Variants in CFAP299 observed in about 807,000 individuals in gnomAD.
CFAP299 encodes cilia- and flagella-associated protein 299.
In CFAP299, 21 loss-of-function variants were observed where a neutral mutation model predicts 27.0. The ratio of observed to expected loss-of-function variants is 0.78; its 90% CI spans 0.55 to 1.12. The LOEUF (loss-of-function observed/expected upper bound fraction) is 1.12. Among genes scored for constraint, CFAP299 ranks in the 50% most tolerant of loss-of-function variants. CFAP299 has a pLI of 0.00. For missense variants in CFAP299, 310 were observed against 276.6 expected, an observed-to-expected ratio of 1.12 and a Z score of -0.86; for synonymous variants, 104 against 98.1, an observed-to-expected ratio of 1.06 and a Z score of -0.36.
intron 3 of CFAP299, among the ~76,000 whole-genome samples, chr4:80,795,702 C>T (rs1727815791): frequency 6.6e-6 from 1 of 152,144 alleles, no homozygotes; most frequent in Admixed American, 6.6e-5. Flanking sequence ...TACTGCTGTG[C>T]ATGACCCACT....
At chr4:80,666,826 G>A (rs1741164162) in intron 3 of CFAP299, among the ~76,000 whole-genome samples, 2 of 152,154 alleles carry the variant, frequency 1.3e-5, no homozygotes, top group South Asian at 4.1e-4. Flanking sequence ...AAACTTAATG[G>A]TGGAGCTGTA....
intron 3 of CFAP299, among the ~76,000 whole-genome samples, chr4:80,775,705 A>G (rs1304437373): frequency 6.6e-6 from 1 of 152,144 alleles, no homozygotes; most frequent in Non-Finnish European, 1.5e-5. Flanking sequence ...AAAATCTTGG[A>G]CTTCTGAGAA....
At chr4:80,494,381 A>G (rs1004071871) in intron 2 of CFAP299, among the ~76,000 whole-genome samples, 5 of 152,340 alleles carry the variant, frequency 3.3e-5, no homozygotes, top group Non-Finnish European at 7.3e-5. Context: ...TATTTCACAT[A>G]ATAGGCAGTA....
intron 4 of CFAP299, among the ~76,000 whole-genome samples, chr4:80,876,409 G>A (rs1448745545): frequency 6.6e-6 from 1 of 152,048 alleles, no homozygotes; most frequent in Non-Finnish European, 1.5e-5. Context: ...CATTTCCCCT[G>A]CTGGCACTCA....
At chr4:80,799,854 TAAA>T (rs1728263707) in intron 3 of CFAP299, among the ~76,000 whole-genome samples, 1 of 35,038 alleles carries the variant, frequency 2.9e-5, no homozygotes, top group African/African-American at 1.4e-4. Flanking sequence ...ATATAATATA[TAAA>T]TATATATTAT....
intron 3 of CFAP299, among the ~76,000 whole-genome samples, chr4:80,722,140 A>C (rs1314278136): frequency 6.6e-6 from 1 of 152,226 alleles, no homozygotes; most frequent in Non-Finnish European, 1.5e-5. Context: ...TAATCGAGCC[A>C]GGCTCAGTGG....
intron 4 of CFAP299, among the ~76,000 whole-genome samples, chr4:80,896,117 A>G (rs950636520): frequency 1.1e-4 from 17 of 152,222 alleles, no homozygotes; most frequent in African/African-American, 4.1e-4. Flanking sequence ...TTCAGAATAC[A>G]AAATAGTACA....
chr4:80,815,078 A>C (rs1347289238), intron 3 of CFAP299, among the ~76,000 whole-genome samples: 1 of 152,032 alleles, frequency 6.6e-6, no homozygotes, highest in African/African-American at 2.4e-5. Context: ...GAAAAGTCCC[A>C]AACTCAACAA....
intron 2 of CFAP299, among the ~76,000 whole-genome samples, chr4:80,380,120 C>T (rs1578375214): frequency 6.6e-6 from 1 of 151,834 alleles, no homozygotes. Flanking sequence ...TTTATTTCTT[C>T]TTGAAATAAA....
At chr4:80,669,814 G>C (rs1276129030) in intron 3 of CFAP299, among the ~76,000 whole-genome samples, 1 of 151,780 alleles carries the variant, frequency 6.6e-6, no homozygotes, top group African/African-American at 2.4e-5. Context: ...TCAGTACAAT[G>C]ATAGCTGTGG....
intron 2 of CFAP299, chr4:80,388,090 C>T (rs1725117219): frequency 2.9e-6 from 2 of 692,892 alleles, no homozygotes; most frequent in South Asian, 1.6e-5. Context: ...CAGCACTGTA[C>T]ACCTTCACCA....
At chr4:80,704,893 A>C (rs1202843762) in intron 3 of CFAP299, among the ~76,000 whole-genome samples, 2 of 151,836 alleles carry the variant, frequency 1.3e-5, no homozygotes, top group African/African-American at 4.8e-5. Context: ...CTCCAGTGTT[A>C]AATGGTAATT....
intron 4 of CFAP299, among the ~76,000 whole-genome samples, chr4:80,900,910 G>T (rs1282173084): frequency 6.6e-6 from 1 of 151,762 alleles, no homozygotes; most frequent in Non-Finnish European, 1.5e-5. Context: ...GGATCAATAT[G>T]GTATTGCATA....
At chr4:80,336,994 G>A in intron 1 of CFAP299, among the ~76,000 whole-genome samples, 1 of 152,158 alleles carries the variant, frequency 6.6e-6, no homozygotes, top group East Asian at 1.9e-4. Flanking sequence ...TTTCAAAAGT[G>A]TTATTCTTCA....
intron 3 of CFAP299, among the ~76,000 whole-genome samples, chr4:80,691,750 A>G (rs1720713208): frequency 6.6e-6 from 1 of 152,016 alleles, no homozygotes; most frequent in African/African-American, 2.4e-5. Context: ...GAGGAAGTCA[A>G]ATTGTCCCTG....
chr4:80,382,526 G>A (rs752464036), intron 2 of CFAP299, among the ~76,000 whole-genome samples: 1 of 152,044 alleles, frequency 6.6e-6, no homozygotes, highest in Non-Finnish European at 1.5e-5. Context: ...GTAGGCAAAG[G>A]ACATGAACAG....
chr4:80,688,096 G>C (rs868060837), intron 3 of CFAP299, among the ~76,000 whole-genome samples: 1 of 152,094 alleles, frequency 6.6e-6, no homozygotes, highest in East Asian at 1.9e-4. Context: ...ACTGCAAGAC[G>C]GCAGCGAGGC....
At chr4:80,473,208 A>T (rs1224814940) in intron 2 of CFAP299, among the ~76,000 whole-genome samples, 2 of 152,120 alleles carry the variant, frequency 1.3e-5, no homozygotes, top group Non-Finnish European at 2.9e-5. Flanking sequence ...GCCTGCATAG[A>T]GGGGGATACA....
chr4:80,765,981 A>C (rs1025229854), intron 3 of CFAP299, among the ~76,000 whole-genome samples: 1 of 152,040 alleles, frequency 6.6e-6, no homozygotes, highest in African/African-American at 2.4e-5. Context: ...GAAGAATAGC[A>C]TATAGAGAAT....
Sources: gnomAD v4.1 joint callset for allele counts (sites outside exome capture counted in the v4.1 genomes callset) on GRCh38, gnomAD v4.1.1 for gene constraint, MANE v1.5 for transcripts, NCBI Gene and HGNC (gene_info 2026-07-23, HGNC 2026-07-21) for gene names.